Variants in XRCC5 observed in about 807,000 individuals in gnomAD.
XRCC5 encodes X-ray repair cross complementing 5, also known as DNA repair protein Ku80.
A neutral mutation model predicts 95.7 loss-of-function variants in XRCC5; 12 were observed. The observed-to-expected ratio is 0.13, with a 90% CI of 0.08 to 0.20. The LOEUF is 0.20. XRCC5 is among the 10% of genes least tolerant of loss of function. The pLI is 1.00. For missense variants in XRCC5, 595 were observed against 873.9 expected, an observed-to-expected ratio of 0.68 and a Z score of 4.02; for synonymous variants, 281 against 290.3, an observed-to-expected ratio of 0.97 and a Z score of 0.33.
At chr2:216,194,884 T>C in intron 18 of XRCC5, 35 bp from the exon 19 acceptor site, 1 of 1,604,856 alleles carries the variant, frequency 6.2e-7, no homozygotes, top group Non-Finnish European at 8.5e-7. Flanking sequence ...GTTGATTCTT[T>C]GTGTTTTGAT....
At chr2:216,180,064 A>G (rs1471908241) in intron 16 of XRCC5, among the ~76,000 whole-genome samples, 1 of 152,192 alleles carries the variant, frequency 6.6e-6, no homozygotes, top group East Asian at 1.9e-4. Context: ...AACTGGACGA[A>G]TTGCCATTTG....
intron 19 of XRCC5, among the ~76,000 whole-genome samples, chr2:216,195,390 C>CTTTTCTTTTCTTT (rs1169539124): frequency 7.9e-6 from 1 of 126,290 alleles, no homozygotes; most frequent in African/African-American, 3.0e-5. Flanking sequence ...CTTTTCTTTT[C>CTTTTCTTTTCTTT]TCTTTCTTTT....
intron 14 of XRCC5, chr2:216,156,237 T>A (rs1489383596): frequency 6.7e-5 from 32 of 479,206 alleles, no homozygotes; most frequent in Non-Finnish European, 8.8e-5. Context: ...GGCCATAGGT[T>A]AAGTTTCCTT....
chr2:216,187,854 CTCT>C (rs1201038426), intron 16 of XRCC5, among the ~76,000 whole-genome samples: 6 of 137,454 alleles, frequency 4.4e-5, no homozygotes, highest in African/African-American at 1.8e-4. Context: ...CTCTCTCTCT[CTCT>C]CTCTCCCCGT....
intron 18 of XRCC5, among the ~76,000 whole-genome samples, chr2:216,194,570 AC>A (rs1428458728): frequency 2.0e-5 from 3 of 152,244 alleles, no homozygotes; most frequent in African/African-American, 7.2e-5. Context: ...ATTGCTTATT[AC>A]ACAGGCAAAA....
chr2:216,164,173 C>G (rs1250498310), intron 16 of XRCC5, among the ~76,000 whole-genome samples: 1 of 152,192 alleles, frequency 6.6e-6, no homozygotes, highest in Non-Finnish European at 1.5e-5. Context: ...GAACTCTTGT[C>G]TATCAAGACT....
intron 13 of XRCC5, among the ~76,000 whole-genome samples, chr2:216,142,249 A>T (rs576468150): frequency 6.6e-6 from 1 of 152,306 alleles, no homozygotes; most frequent in African/African-American, 2.4e-5. Context: ...AGGAGAGCTT[A>T]TATGAACTCT....
At position 216,183,063 on chromosome 2, in the gene XRCC5, G is replaced by A. The variant is rs555099534; in HGVS notation, c.1835-7162G>A. On this transcript the variant is annotated intron_variant, in intron 16 of 20. Coordinates refer to ENST00000392132, the MANE Select transcript of XRCC5 (RefSeq NM_021141.4). ...CATAATGCTCTCTTACATAAAATGA[G>A]CTTACAGCCAGTGGGCTAACTGGAT... is the stretch of plus-strand genomic sequence containing the variant. 2.0e-3 allele frequency among the ~76,000 whole-genome samples: 311 copies of A among 152,256 alleles called. 1 individual carries two copies. The highest frequency in any genetic ancestry group is 3.0e-3 in the Non-Finnish European group (202 of 68,010).
intron 5 of XRCC5, among the ~76,000 whole-genome samples, chr2:216,120,553 A>G (rs1232796040): frequency 6.6e-6 from 1 of 152,170 alleles, no homozygotes; most frequent in Non-Finnish European, 1.5e-5. Flanking sequence ...AGCTCAGAGA[A>G]GCCCTGTGTT....
At chr2:216,110,084 T>G (rs1465497145) in intron 1 of XRCC5, among the ~76,000 whole-genome samples, 2 of 152,114 alleles carry the variant, frequency 1.3e-5, no homozygotes, top group Non-Finnish European at 2.9e-5. Flanking sequence ...ATTTTGCAAG[T>G]GGGAAAACCG....
chr2:216,164,379 T>C (rs1055867660), intron 16 of XRCC5, among the ~76,000 whole-genome samples: 3 of 152,254 alleles, frequency 2.0e-5, no homozygotes, highest in African/African-American at 7.2e-5. Flanking sequence ...TCATATTTAC[T>C]ATGTTCAAGG....
rs1161742400 is a variant in XRCC5 at position 216,120,002 on chromosome 2, T to A, written c.491+837T>A. On this transcript the variant is annotated intron_variant, in intron 5 of 20. Transcript: ENST00000392132. Reference sequence around the variant, plus strand: ...ATGCCAAGAAGCCTCTAGGTTAGAGTGGTAAGCCTTTGGCTTCATAAAATG... The same window carrying A: ...ATGCCAAGAAGCCTCTAGGTTAGAGAGGTAAGCCTTTGGCTTCATAAAATG... Among the ~76,000 whole-genome samples, 7 of 152,202 alleles carry A rather than the reference T, an allele frequency of 4.6e-5. No homozygotes were observed. In the East Asian group the frequency reaches 1.3e-3, roughly 29 times the overall value.
At chr2:216,176,308 G>C (rs997681809) in intron 16 of XRCC5, among the ~76,000 whole-genome samples, 1 of 151,976 alleles carries the variant, frequency 6.6e-6, no homozygotes, top group Non-Finnish European at 1.5e-5. Flanking sequence ...TAGTGGAGAC[G>C]GGATTTCACC....
At chr2:216,120,756 G>T (rs1305074256) in intron 5 of XRCC5, among the ~76,000 whole-genome samples, 2 of 138,748 alleles carry the variant, frequency 1.4e-5, no homozygotes, top group East Asian at 4.0e-4. Flanking sequence ...TTGTTTTTGA[G>T]ATGGAGTCTC....
chr2:216,146,293 G>A (rs1688632705), intron 13 of XRCC5, among the ~76,000 whole-genome samples: 1 of 151,586 alleles, frequency 6.6e-6, no homozygotes, highest in South Asian at 2.1e-4. Flanking sequence ...CAGGGTTTTC[G>A]AAACTTACAG....
intron 18 of XRCC5, among the ~76,000 whole-genome samples, chr2:216,193,501 A>G (rs945096462): frequency 3.3e-5 from 5 of 152,204 alleles, no homozygotes; most frequent in African/African-American, 1.2e-4. Flanking sequence ...ATACCTATCT[A>G]TCCGCCTTCT....
chr2:216,202,995 GTTTA>G (rs1689868472), intron 19 of XRCC5, among the ~76,000 whole-genome samples: 1 of 152,156 alleles, frequency 6.6e-6, no homozygotes, highest in Non-Finnish European at 1.5e-5. Flanking sequence ...ACATATTTTA[GTTTA>G]TTTATAGGTC....
intron 16 of XRCC5, among the ~76,000 whole-genome samples, chr2:216,162,278 G>GA (rs41301708): frequency 2.8e-4 from 42 of 152,298 alleles, no homozygotes; most frequent in African/African-American, 1.0e-3. Context: ...TCTCCCTACA[G>GA]AAAAACTTTG....
intron 19 of XRCC5, among the ~76,000 whole-genome samples, chr2:216,196,218 T>TA (rs58466188): frequency 0.032 from 4,546 of 141,376 alleles, 115 homozygotes; most frequent in African/African-American, 0.068. Flanking sequence ...AGATTTTTGT[T>TA]AAAAAAAAAA....
Sources: allele counts gnomAD v4.1 joint callset (sites outside exome capture counted in the v4.1 genomes callset), GRCh38; gene constraint gnomAD v4.1.1; transcripts MANE v1.5; gene names NCBI Gene and HGNC (gene_info 2026-07-23, HGNC 2026-07-21).